SLIT3: variants seen among roughly 807,000 people sequenced by gnomAD.
SLIT3 encodes the protein slit guidance ligand 3, also known as slit homolog 3 protein.
In SLIT3, 68 loss-of-function variants were observed where a neutral mutation model predicts 184.0. The observed-to-expected ratio is 0.37, with a 90% CI of 0.30 to 0.45. SLIT3 has a LOEUF of 0.45. Ranked by LOEUF, SLIT3 falls within the 20% of genes least tolerant of loss-of-function variation. SLIT3 has a pLI of 1.00. For synonymous variants in SLIT3, 831 were observed against 828.6 expected, an observed-to-expected ratio of 1.00 and a Z score of -0.05; for missense variants, 1,707 against 2,026.0, an observed-to-expected ratio of 0.84 and a Z score of 3.02.
chr5:168,945,521 C>T (rs1289535711), intron 4 of SLIT3, among the ~76,000 whole-genome samples: 1 of 152,230 alleles, frequency 6.6e-6, no homozygotes, highest in African/African-American at 2.4e-5. Flanking sequence ...CAGGCATGAG[C>T]CACCACGCCC....
Position 169,194,233 on chromosome 5 carries a change from C to CAA in SLIT3, c.342-685_342-684dup, listed in dbSNP as rs10571842. 1.9e-3 allele frequency among the ~76,000 whole-genome samples: 118 copies of CAA among 61,380 alleles called. 3 individuals carry two copies. Among genetic ancestry groups the CAA allele is most frequent in the Non-Finnish European group, 2.5e-3 (92 of 37,190 alleles). 40.3% of individuals were successfully genotyped at this position (61,380 alleles called of 152,430 possible). On this transcript the variant is annotated intron_variant, in intron 3 of 35. Transcript: ENST00000519560. The stretch of plus-strand genomic sequence containing the variant: ...CTGGCGACAGAGCAAGACTCTGTCT[C>CAA]AAAAAAAAAAAAAAAAAAAAAAAAA...
chr5:168,936,157 T>C (rs1378241994), intron 4 of SLIT3, among the ~76,000 whole-genome samples: 3 of 152,224 alleles, frequency 2.0e-5, no homozygotes, highest in Admixed American at 6.5e-5. Flanking sequence ...TTGGGTCCCA[T>C]GACTTGTAGA....
At chr5:168,967,502 G>T (rs1442853655) in intron 4 of SLIT3, among the ~76,000 whole-genome samples, 2 of 92,968 alleles carry the variant, frequency 2.2e-5, no homozygotes, top group African/African-American at 7.9e-5. Flanking sequence ...TGCAGTGGCG[G>T]GATCTCGGCT....
chr5:169,243,406 C>T (rs1042990738), intron 3 of SLIT3, among the ~76,000 whole-genome samples: 16 of 152,142 alleles, frequency 1.1e-4, no homozygotes, highest in Admixed American at 3.9e-4. Flanking sequence ...TAAAAATAAA[C>T]GTGTAAACAG....
chr5:168,822,657 A>G (rs1561952019), intron 7 of SLIT3, among the ~76,000 whole-genome samples: 1 of 152,166 alleles, frequency 6.6e-6, no homozygotes, highest in Non-Finnish European at 1.5e-5. Context: ...TTTCCTGAGT[A>G]TGCACCCTGG....
intron 4 of SLIT3, among the ~76,000 whole-genome samples, chr5:169,072,614 T>C (rs1172760708): frequency 6.6e-6 from 1 of 152,190 alleles, no homozygotes; most frequent in Non-Finnish European, 1.5e-5. Flanking sequence ...ACACATTTTA[T>C]CATCATTTTG....
intron 1 of SLIT3, among the ~76,000 whole-genome samples, chr5:169,258,987 A>T (rs1215623861): frequency 1.3e-5 from 2 of 152,216 alleles, no homozygotes; most frequent in Non-Finnish European, 2.9e-5. Context: ...ACTTAACTTT[A>T]TGGAACTCCC....
chr5:168,952,300 GAAGC>G (rs1762673745), intron 4 of SLIT3, among the ~76,000 whole-genome samples: 1 of 152,184 alleles, frequency 6.6e-6, no homozygotes, highest in Non-Finnish European at 1.5e-5. Context: ...CCTGAGTTAA[GAAGC>G]AAGGCCTCGT....
chr5:169,056,985 C>T (rs898880860), intron 4 of SLIT3, among the ~76,000 whole-genome samples: 1 of 152,254 alleles, frequency 6.6e-6, no homozygotes, highest in Admixed American at 6.5e-5. Context: ...TCTGCCTTAC[C>T]TGTCTCCATA....
chr5:169,223,724 A>G (rs948108341), intron 3 of SLIT3, among the ~76,000 whole-genome samples: 2 of 152,228 alleles, frequency 1.3e-5, no homozygotes, highest in African/African-American at 4.8e-5. Context: ...TCCAAAAATG[A>G]TGTACAAAAT....
rs562775674 is a variant in SLIT3, at chr5:169,040,124, T to C, written c.413+153355A>G. Reference sequence around the variant, plus strand: ...AAGCCCTCACAACACGTAATCTAATTCCTATCGACCACATCCAGGGTTTCA... The same window carrying C: ...AAGCCCTCACAACACGTAATCTAATCCCTATCGACCACATCCAGGGTTTCA... On this transcript the variant is annotated intron_variant, in intron 4 of 35. Coordinates refer to ENST00000519560, the MANE Select transcript of SLIT3 (RefSeq NM_003062.4). 3.3e-5 allele frequency among the ~76,000 whole-genome samples: 5 copies of C among 152,298 alleles called. No individual in the cohort carries two copies. The East Asian group carries it at 9.6e-4, about 29-fold the overall frequency.
At chr5:169,090,354 A>G (rs546783437) in intron 4 of SLIT3, among the ~76,000 whole-genome samples, 1 of 152,224 alleles carries the variant, frequency 6.6e-6, no homozygotes, top group African/African-American at 2.4e-5. Flanking sequence ...TCTCCTTGTC[A>G]GGGCCCAGAT....
At chr5:168,673,774 T>C (rs1265025931) in intron 32 of SLIT3, among the ~76,000 whole-genome samples, 1 of 152,240 alleles carries the variant, frequency 6.6e-6, no homozygotes, top group Non-Finnish European at 1.5e-5. Flanking sequence ...AATACTGTCC[T>C]TTACAGCATT....
intron 1 of SLIT3, among the ~76,000 whole-genome samples, chr5:169,289,487 T>C (rs1425696477): frequency 1.3e-5 from 2 of 152,250 alleles, no homozygotes; most frequent in Admixed American, 6.5e-5. Flanking sequence ...TCATCATTTA[T>C]AGAGTCCAGC....
intron 4 of SLIT3, among the ~76,000 whole-genome samples, chr5:169,002,685 G>A (rs1371592030): frequency 2.6e-5 from 4 of 152,170 alleles, no homozygotes; most frequent in Non-Finnish European, 5.9e-5. Flanking sequence ...TGGGACAAGA[G>A]GGGATGAGGA....
intron 4 of SLIT3, among the ~76,000 whole-genome samples, chr5:169,107,906 C>G (rs914294689): frequency 3.3e-5 from 5 of 152,248 alleles, no homozygotes; most frequent in African/African-American, 7.2e-5. Context: ...TTCAGAGAAG[C>G]CTTCTTGACC....
intron 14 of SLIT3, among the ~76,000 whole-genome samples, chr5:168,762,971 C>T (rs17732915): frequency 0.33 from 50,472 of 151,908 alleles, 8,812 homozygotes; most frequent in East Asian, 0.55. Flanking sequence ...GGGTCACAGA[C>T]GTTTTTGAGA....
intron 3 of SLIT3, among the ~76,000 whole-genome samples, chr5:169,224,609 C>T (rs1764736791): frequency 6.6e-6 from 1 of 152,128 alleles, no homozygotes; most frequent in East Asian, 1.9e-4. Context: ...CTCAAGTGAT[C>T]TTCCCACTTC....
At chr5:169,100,598 T>C (rs1759972542) in intron 4 of SLIT3, among the ~76,000 whole-genome samples, 1 of 152,148 alleles carries the variant, frequency 6.6e-6, no homozygotes, top group African/African-American at 2.4e-5. Context: ...CTTCAGATCC[T>C]GGGGGTTGGG....
Sources: allele counts gnomAD v4.1 joint callset (sites outside exome capture counted in the v4.1 genomes callset), GRCh38; gene constraint gnomAD v4.1.1; transcripts MANE v1.5; gene names NCBI Gene and HGNC (gene_info 2026-07-23, HGNC 2026-07-21).